TMPRSS15: variants seen among roughly 807,000 people sequenced by gnomAD.
TMPRSS15 encodes enteropeptidase.
Under a neutral mutation model 125.3 loss-of-function variants are expected in TMPRSS15, and 128 were observed. The ratio of observed to expected loss-of-function variants is 1.02; its 90% CI spans 0.89 to 1.18. The LOEUF (loss-of-function observed/expected upper bound fraction) is 1.18. Among genes scored for constraint, TMPRSS15 ranks in the 50% most tolerant of loss-of-function variants. The pLI is 0.00. For synonymous variants in TMPRSS15, 446 were observed against 423.2 expected, an observed-to-expected ratio of 1.05 and a Z score of -0.66; for missense variants, 1,283 against 1,212.7, an observed-to-expected ratio of 1.06 and a Z score of -0.86.
chr21:18,453,528 C>G lies in TMPRSS15; in HGVS notation c.10+32271G>C, dbSNP rs1020542905. On this transcript the variant is annotated intron_variant, in intron 1 of 7. Coordinates refer to the TMPRSS15 transcript ENST00000422787. ...CTGGCAGCCTGGAGAGTCAATGATG[C>G]AGTTCACATCTAAAGGCCATCAAGA... 3.9e-5 allele frequency among the ~76,000 whole-genome samples: 6 copies of G among 152,264 alleles called. No homozygotes were observed. The South Asian group carries it at 1.0e-3, about 26-fold the overall frequency.
chr21:18,291,410 A>G (rs1464874000), intron 21 of TMPRSS15, among the ~76,000 whole-genome samples: 1 of 152,200 alleles, frequency 6.6e-6, no homozygotes. Flanking sequence ...ACTCAGGAGA[A>G]CTTAGCCTGA....
intron 1 of TMPRSS15, among the ~76,000 whole-genome samples, chr21:18,485,349 T>C (rs1443905174): frequency 1.3e-5 from 2 of 151,968 alleles, no homozygotes; most frequent in African/African-American, 4.8e-5. Context: ...CTCAGTTCAA[T>C]GTAGAAAAGA....
Position 18,277,637 on chromosome 21 carries a change from G to C in TMPRSS15, c.2764+1327C>G, listed in dbSNP as rs185806899. 1.4e-3 allele frequency among the ~76,000 whole-genome samples: 213 copies of C among 152,274 alleles called. 1 individual carries two copies. The highest frequency in any genetic ancestry group is 5.0e-3 in the African/African-American group (207 of 41,560). On this transcript the variant is annotated intron_variant, in intron 23 of 24. Transcript: ENST00000284885. ...TGTAGGAGTTATCAGAAAAGCATTTGACTTAGAACTTTGTGCTTTCTCTTA... is the reference window on the plus strand; with the variant it reads ...TGTAGGAGTTATCAGAAAAGCATTTCACTTAGAACTTTGTGCTTTCTCTTA...
intron 1 of TMPRSS15, among the ~76,000 whole-genome samples, chr21:18,426,501 CA>C (rs533398052): frequency 1.9e-4 from 29 of 152,238 alleles, no homozygotes; most frequent in African/African-American, 5.8e-4. Flanking sequence ...AAAATATAAA[CA>C]AAAGTCAATA....
At chr21:18,472,424 T>C (rs1443415494) in intron 1 of TMPRSS15, among the ~76,000 whole-genome samples, 2 of 149,752 alleles carry the variant, frequency 1.3e-5, no homozygotes, top group African/African-American at 4.9e-5. Context: ...ACAGGATACA[T>C]AGTAAGGGTG....
intron 8 of TMPRSS15, among the ~76,000 whole-genome samples, chr21:18,356,190 T>C (rs1018607604): frequency 1.3e-5 from 2 of 151,768 alleles, no homozygotes; most frequent in South Asian, 2.1e-4. Flanking sequence ...TGAATAGGTT[T>C]TGTGAAAGAA....
chr21:18,435,753 T>C (rs562053865), intron 1 of TMPRSS15, among the ~76,000 whole-genome samples: 53 of 152,282 alleles, frequency 3.5e-4, no homozygotes, highest in African/African-American at 1.2e-3. Context: ...TGTGAATCCA[T>C]CTGGTCCTGG....
At chr21:18,418,150 C>T (rs1218808871) in intron 1 of TMPRSS15, among the ~76,000 whole-genome samples, 2 of 152,178 alleles carry the variant, frequency 1.3e-5, no homozygotes, top group African/African-American at 4.8e-5. Flanking sequence ...CTGTCTCTTC[C>T]AAACAGGCTC....
At chr21:18,466,185 G>A (rs867156608) in intron 1 of TMPRSS15, among the ~76,000 whole-genome samples, 1 of 152,158 alleles carries the variant, frequency 6.6e-6, no homozygotes, top group Non-Finnish European at 1.5e-5. Context: ...TTAATAAATG[G>A]TGTTGGGAAA....
chr21:18,379,246 T>C, intron 5 of TMPRSS15, 37 bp downstream of exon 5: 1 of 1,143,970 alleles, frequency 8.7e-7, no homozygotes, highest in Non-Finnish European at 1.2e-6. Context: ...GAGAAAACTT[T>C]CTTTCAAAAA....
chr21:18,365,583 T>TTTCC (rs755590532), intron 6 of TMPRSS15, among the ~76,000 whole-genome samples: 2 of 128,336 alleles, frequency 1.6e-5, no homozygotes, highest in East Asian at 4.3e-4. Context: ...TTTCTCTCTT[T>TTTCC]TTCCTTCCTT....
chr21:18,431,603 A>G (rs1001025042), intron 1 of TMPRSS15, among the ~76,000 whole-genome samples: 2 of 152,118 alleles, frequency 1.3e-5, no homozygotes. Context: ...TTTCTCCAAT[A>G]AGAACTTTTT....
intron 8 of TMPRSS15, among the ~76,000 whole-genome samples, chr21:18,355,325 T>C (rs1280100741): frequency 5.9e-5 from 9 of 151,778 alleles, no homozygotes; most frequent in Non-Finnish European, 1.2e-4. Context: ...ACCCTTAGTG[T>C]GTTGGATTTC....
intron 24 of TMPRSS15, among the ~76,000 whole-genome samples, chr21:18,271,072 T>TATC (rs1460373279): frequency 6.6e-6 from 1 of 152,158 alleles, no homozygotes; most frequent in African/African-American, 2.4e-5. Flanking sequence ...AAATGTAATC[T>TATC]ATCAATGCAC....
At chr21:18,344,662 C>G (rs1363219968) in intron 10 of TMPRSS15, among the ~76,000 whole-genome samples, 1 of 152,134 alleles carries the variant, frequency 6.6e-6, no homozygotes. Flanking sequence ...ATAGCACAAG[C>G]CACTGCATAA....
chr21:18,371,656 A>T (rs1159972170), intron 6 of TMPRSS15, among the ~76,000 whole-genome samples: 1 of 152,184 alleles, frequency 6.6e-6, no homozygotes, highest in Non-Finnish European at 1.5e-5. Context: ...TCTTATTCAT[A>T]TCTTATTTCT....
At chr21:18,310,067 A>G (rs2075082966) in intron 18 of TMPRSS15, among the ~76,000 whole-genome samples, 2 of 152,162 alleles carry the variant, frequency 1.3e-5, no homozygotes, top group African/African-American at 2.4e-5. Context: ...GTACCTCAAC[A>G]CAATAAAGAT....
In TMPRSS15 at chr21:18,343,494, T is replaced by C. The variant is rs770844067; in HGVS notation, c.1428+12A>G. On this transcript the variant is annotated intron_variant, in intron 12 of 24. Coordinates refer to ENST00000284885, the MANE Select transcript of TMPRSS15 (RefSeq NM_002772.3). ...AAGGATACAAATATAAATAATAAAG[T>C]ATTTTGCAAACCTTAAATTTAACTG... is the stretch of plus-strand genomic sequence containing the variant. The C allele has an allele frequency of 6.3e-7, 1 of 1,588,576 alleles. No homozygotes were observed. The highest frequency in any genetic ancestry group is 2.2e-5 in the East Asian group (1 of 44,624).
intron 5 of TMPRSS15, among the ~76,000 whole-genome samples, chr21:18,376,739 G>A (rs917695794): frequency 6.6e-6 from 1 of 152,102 alleles, no homozygotes; most frequent in African/African-American, 2.4e-5. Flanking sequence ...AAATTAATCC[G>A]TGTAATGTCA....
Sources: allele counts gnomAD v4.1 joint callset (sites outside exome capture counted in the v4.1 genomes callset), GRCh38; gene constraint gnomAD v4.1.1; transcripts MANE v1.5; gene names NCBI Gene and HGNC (gene_info 2026-07-23, HGNC 2026-07-21).